The following ANKRD62 variants were observed in gnomAD, a reference collection of about 807,000 sequenced individuals.
ANKRD62 encodes the protein ankyrin repeat domain 62.
Under a neutral mutation model 98.8 loss-of-function variants are expected in ANKRD62, and 61 were observed. The observed-to-expected ratio is 0.62, with a 90% confidence interval of 0.50 to 0.76. The LOEUF (loss-of-function observed/expected upper bound fraction) is 0.76, where lower values mean the gene tolerates loss of function less well. ANKRD62 is among the 30% of genes least tolerant of loss of function. The pLI is 0.00. For missense variants in ANKRD62, 933 were observed against 1,082.9 expected (o/e 0.86, Z 1.94); for synonymous variants, 341 against 367.9 (o/e 0.93, Z 0.84).
chr18:12,136,740 G>A, the ANKRD62 span, among the ~76,000 whole-genome samples: 7 of 152,066 alleles, frequency 4.6e-5, no homozygotes, highest in Non-Finnish European at 7.4e-5. Flanking sequence ...TTTGTAGTTT[G>A]TTCTCCTTGA....
the ANKRD62 span, among the ~76,000 whole-genome samples, chr18:12,136,040 T>C: frequency 1.3e-5 from 2 of 152,222 alleles, no homozygotes; most frequent in African/African-American, 4.8e-5. Flanking sequence ...AGAAGCTCTT[T>C]AGTTTAATTA....
chr18:12,118,164 A>G (rs1909706182), intron 10 of ANKRD62, among the ~76,000 whole-genome samples: 1 of 152,202 alleles, frequency 6.6e-6, no homozygotes, highest in African/African-American at 2.4e-5. Flanking sequence ...TGCGTGTCAT[A>G]TACATTATTT....
chr18:12,171,409 C>T, the ANKRD62 span, among the ~76,000 whole-genome samples: 16 of 152,150 alleles, frequency 1.1e-4, no homozygotes, highest in African/African-American at 3.9e-4. Flanking sequence ...CTTAGTTTGG[C>T]TGGATATGAA....
At chr18:12,112,758 T>A (rs928729216) in intron 8 of ANKRD62, among the ~76,000 whole-genome samples, 3 of 152,174 alleles carry the variant, frequency 2.0e-5, no homozygotes, top group Non-Finnish European at 4.4e-5. Context: ...AAAGAAACTG[T>A]CATCAGACTG....
At chr18:12,162,840 G>A in the ANKRD62 span, among the ~76,000 whole-genome samples, 1 of 150,376 alleles carries the variant, frequency 6.6e-6, no homozygotes, top group South Asian at 2.1e-4. Context: ...GTGTAGATTT[G>A]TTTCTGGGTC....
the ANKRD62 span, among the ~76,000 whole-genome samples, chr18:12,135,977 C>A: frequency 6.6e-6 from 1 of 152,070 alleles, no homozygotes; most frequent in Non-Finnish European, 1.5e-5. Flanking sequence ...CAAATATTTT[C>A]TCCCATTCTG....
Position 12,118,625 on chromosome 18 carries a change from A to AG in ANKRD62, c.1240+3091_1240+3092insG, listed in dbSNP as rs1276877025. ...CTCTGTCTTAAAAAAAAAAAAAAAA[A>AG]AAAGAAAGAAAGTAGCCTTTTTAGG... On this transcript the variant is annotated intron_variant, in intron 10 of 13. Transcript: ENST00000587848. 3.9e-3 allele frequency among the ~76,000 whole-genome samples: 572 copies of AG among 145,158 alleles called. 3 individuals carry two copies. Among genetic ancestry groups the AG allele is most frequent in the African/African-American group, 7.6e-3 (298 of 39,006 alleles).
rs756030100 is a variant in ANKRD62 at position 12,095,527 on chromosome 18, C to T, written c.424C>T (p.Leu142=). 2.6e-6 allele frequency: 4 copies of T among 1,562,152 alleles called. No homozygotes were observed. The South Asian group carries it at 4.6e-5, about 18-fold the overall frequency. ...NVRDMYGNTA[L]HYAIDNENIS... ...TAGAGATATGTATGGCAACACTGCT[C>T]TGCACTATGCCATTGATAATGAGAA... is the stretch of plus-strand genomic sequence containing the variant. The change falls in exon 3 of 14, where the codon CTG becomes TTG. Residue 142 remains leucine, a synonymous_variant. Transcript: ENST00000587848.
chr18:12,096,014 G>A (rs1909173601), intron 3 of ANKRD62, among the ~76,000 whole-genome samples, 182 bp from the exon 4 acceptor site: 1 of 152,190 alleles, frequency 6.6e-6, no homozygotes, highest in Non-Finnish European at 1.5e-5. Context: ...GACACCCTAG[G>A]AGGGGTATCT....
At chr18:12,116,744 A>C (rs1909673101) in intron 10 of ANKRD62, among the ~76,000 whole-genome samples, 1 of 152,164 alleles carries the variant, frequency 6.6e-6, no homozygotes, top group Non-Finnish European at 1.5e-5. Flanking sequence ...CAGCTTGTCA[A>C]TTTAAAAAAA....
chr18:12,140,949 G>A, the ANKRD62 span, among the ~76,000 whole-genome samples: 1 of 152,354 alleles, frequency 6.6e-6, no homozygotes, highest in East Asian at 1.9e-4. Context: ...CCAGCCCCCA[G>A]AGGTGGAGCC....
At chr18:12,116,308 C>T (rs936880141) in intron 10 of ANKRD62, among the ~76,000 whole-genome samples, 5 of 152,170 alleles carry the variant, frequency 3.3e-5, no homozygotes, top group Admixed American at 1.3e-4. Flanking sequence ...CACAACAGGA[C>T]AGTTGCGGTT....
At chr18:12,167,201 A>T in the ANKRD62 span, among the ~76,000 whole-genome samples, 1 of 151,876 alleles carries the variant, frequency 6.6e-6, no homozygotes, top group East Asian at 1.9e-4. Context: ...TTTGTTACGT[A>T]TGTATACATG....
chr18:12,152,722 C>G, the ANKRD62 span, among the ~76,000 whole-genome samples: 1 of 152,158 alleles, frequency 6.6e-6, no homozygotes, highest in Non-Finnish European at 1.5e-5. Flanking sequence ...GTATTGGAAG[C>G]CCTCACCAGA....
At position 12,107,448 on chromosome 18, in the gene ANKRD62, G is replaced by C. The variant is rs1376380249; in HGVS notation, c.1045G>C (p.Glu349Gln). Residue 349 changes from glutamate to glutamine, a missense_variant, in exon 8 of 14, where the codon GAG (glutamate) becomes CAG (glutamine). By Grantham distance (29) the Glu-to-Gln change is conservative. Transcript: ENST00000587848. ...TGATAATCATCAATCTCCTGGGAAGGAGAATGGCGAGTTTGATAGGTAATC... is the reference window on the plus strand; with the variant it reads ...TGATAATCATCAATCTCCTGGGAAGCAGAATGGCGAGTTTGATAGGTAATC... ...KPDNHQSPGK[E>Q]NGEFDRLARK... 7.3e-6 allele frequency: 11 copies of C among 1,504,746 alleles called. No individual in the cohort carries two copies. In the African/African-American group the frequency reaches 1.1e-4, roughly 15 times the overall value. 93.2% of individuals were successfully genotyped at this position (1,504,746 alleles called of 1,614,324 possible). A position where few individuals can be genotyped will look rare whatever the true frequency, so the allele number is the denominator to read the frequency against.
intron 7 of ANKRD62, 48 bp downstream of exon 7, chr18:12,103,276 G>T: frequency 8.5e-7 from 1 of 1,172,584 alleles, no homozygotes; most frequent in Admixed American, 3.7e-5. Flanking sequence ...TGGTAATGTA[G>T]CATAATCCAA....
At chr18:12,156,804 C>T in the ANKRD62 span, among the ~76,000 whole-genome samples, 9 of 152,162 alleles carry the variant, frequency 5.9e-5, no homozygotes, top group South Asian at 4.1e-4. Context: ...ACATGGTGTA[C>T]GTGGGTTGTA....
At chr18:12,145,608 G>C in the ANKRD62 span, among the ~76,000 whole-genome samples, 1 of 152,158 alleles carries the variant, frequency 6.6e-6, no homozygotes, top group Admixed American at 6.6e-5. Context: ...CACTGGGAGG[G>C]AGCTCTCAAC....
At chr18:12,123,056 T>G (rs1909814516) in intron 11 of ANKRD62, among the ~76,000 whole-genome samples, 1 of 152,046 alleles carries the variant, frequency 6.6e-6, no homozygotes, top group African/African-American at 2.4e-5. Flanking sequence ...TTGTTTGTTT[T>G]TTGTCCTTTT....
Sources: gnomAD v4.1 joint callset for allele counts (sites outside exome capture counted in the v4.1 genomes callset) on GRCh38, gnomAD v4.1.1 for gene constraint, MANE v1.5 for transcripts, NCBI Gene and HGNC (gene_info 2026-07-23, HGNC 2026-07-21) for gene names.